The following LRP1B variants were observed in gnomAD, a reference collection of about 807,000 sequenced individuals.
LRP1B encodes low-density lipoprotein receptor-related protein 1B.
In LRP1B, 217 loss-of-function variants were observed where a neutral mutation model predicts 556.6. The observed-to-expected ratio is 0.39, with a 90% CI of 0.35 to 0.44. The LOEUF (loss-of-function observed/expected upper bound fraction) is 0.44. Ranked by LOEUF, LRP1B falls within the 20% of genes least tolerant of loss-of-function variation. The pLI, the probability that LRP1B is intolerant of heterozygous loss-of-function variation, is 1.00. For synonymous variants in LRP1B, 2,047 were observed against 1,865.8 expected (o/e 1.10, Z -2.50); for missense variants, 5,053 against 5,620.8 (o/e 0.90, Z 3.23).
intron 41 of LRP1B, among the ~76,000 whole-genome samples, chr2:140,638,029 A>T (rs1269670949): frequency 6.6e-6 from 1 of 152,248 alleles, no homozygotes; most frequent in African/African-American, 2.4e-5. Flanking sequence ...TTAGAGCATG[A>T]TATTATAGTT....
At chr2:140,483,074 A>C (rs1338443886) in intron 59 of LRP1B, among the ~76,000 whole-genome samples, 1 of 152,214 alleles carries the variant, frequency 6.6e-6, no homozygotes, top group Non-Finnish European at 1.5e-5. Context: ...CTAGGCAAAC[A>C]GCATGAACAA....
At chr2:140,260,542 T>C (rs1681886923) in intron 86 of LRP1B, among the ~76,000 whole-genome samples, 1 of 151,836 alleles carries the variant, frequency 6.6e-6, no homozygotes, top group African/African-American at 2.4e-5. Flanking sequence ...TATGCGTGCA[T>C]ATATACCTTT....
intron 43 of LRP1B, among the ~76,000 whole-genome samples, chr2:140,574,068 T>C (rs996996700): frequency 3.3e-5 from 5 of 152,108 alleles, no homozygotes; most frequent in African/African-American, 1.2e-4. Flanking sequence ...CTCTATATGT[T>C]ATATGCATTT....
Position 141,889,114 on chromosome 2 carries a change from G to T in LRP1B, c.83-78713C>A, listed in dbSNP as rs79885242. Among the ~76,000 whole-genome samples the T allele has an allele frequency of 3.3e-3, 495 of 152,134 alleles. 2 individuals are homozygous for T. The highest frequency in any genetic ancestry group is 0.012 in the African/African-American group (481 of 41,484). On this transcript the variant is annotated intron_variant, in intron 1 of 90. Coordinates refer to ENST00000389484, the MANE Select transcript of LRP1B (RefSeq NM_018557.3). ...TCCCTGTTAAAGCCTTCCAATTTAT[G>T]CCCGTGTTCACAGACACCAAAAGTC...
intron 23 of LRP1B, among the ~76,000 whole-genome samples, chr2:140,894,936 C>A (rs1276735606): frequency 2.8e-5 from 4 of 143,950 alleles, no homozygotes; most frequent in African/African-American, 2.6e-5. Context: ...GAATGAGACT[C>A]TGCCTCAAAA....
At chr2:140,988,153 GAT>G (rs1696982308) in intron 17 of LRP1B, among the ~76,000 whole-genome samples, 1 of 152,000 alleles carries the variant, frequency 6.6e-6, no homozygotes, top group South Asian at 2.1e-4. Context: ...AAAACTCTTG[GAT>G]CAAGTTTCCC....
chr2:140,824,310 CT>C (rs1337383710), intron 31 of LRP1B, among the ~76,000 whole-genome samples: 1 of 151,670 alleles, frequency 6.6e-6, no homozygotes, highest in Non-Finnish European at 1.5e-5. Context: ...TATATGAGGC[CT>C]TTTGGGATAG....
intron 43 of LRP1B, among the ~76,000 whole-genome samples, chr2:140,548,510 A>G (rs1265697929): frequency 1.3e-5 from 2 of 152,148 alleles, no homozygotes; most frequent in Admixed American, 1.3e-4. Context: ...TTAGGAATTA[A>G]TATACTCTAA....
chr2:141,573,635 C>G (rs1325558111), intron 2 of LRP1B, among the ~76,000 whole-genome samples: 1 of 115,430 alleles, frequency 8.7e-6, no homozygotes, highest in Non-Finnish European at 1.9e-5. Context: ...AAAAACCCTC[C>G]AAAAAAAAAA....
chr2:141,995,535 C>A (rs1037882634), intron 1 of LRP1B, among the ~76,000 whole-genome samples: 17 of 152,102 alleles, frequency 1.1e-4, no homozygotes, highest in African/African-American at 4.1e-4. Context: ...TATCTTAATT[C>A]CCTTTTACCT....
intron 6 of LRP1B, among the ~76,000 whole-genome samples, chr2:141,211,688 G>A (rs998996907): frequency 2.0e-5 from 3 of 152,104 alleles, no homozygotes; most frequent in African/African-American, 7.2e-5. Flanking sequence ...TCATAAATCA[G>A]AACAGGTTAC....
At chr2:141,943,870 G>C (rs556211105) in intron 1 of LRP1B, among the ~76,000 whole-genome samples, 1 of 152,226 alleles carries the variant, frequency 6.6e-6, no homozygotes, top group Admixed American at 6.5e-5. Flanking sequence ...ACACTTTGAA[G>C]GGTGAGGGGG....
chr2:141,594,839 T>C (rs980259916), intron 2 of LRP1B, among the ~76,000 whole-genome samples: 4 of 152,136 alleles, frequency 2.6e-5, no homozygotes, highest in African/African-American at 4.8e-5. Flanking sequence ...CTCTTAAATA[T>C]GAACAAAGAT....
At chr2:141,924,774 C>T (rs552373997) in intron 1 of LRP1B, among the ~76,000 whole-genome samples, 1 of 152,284 alleles carries the variant, frequency 6.6e-6, no homozygotes, top group Non-Finnish European at 1.5e-5. Context: ...GTGGGAATTC[C>T]ATGACACTTG....
intron 1 of LRP1B, among the ~76,000 whole-genome samples, chr2:141,823,555 G>C (rs1384508842): frequency 6.6e-6 from 1 of 152,182 alleles, no homozygotes; most frequent in Non-Finnish European, 1.5e-5. Flanking sequence ...TTGTCAAGCT[G>C]ATTAGGTGGA....
chr2:141,667,534 C>G (rs1307036760), intron 2 of LRP1B, among the ~76,000 whole-genome samples: 6 of 152,160 alleles, frequency 3.9e-5, no homozygotes, highest in African/African-American at 7.2e-5. Context: ...GAAGAAAGCA[C>G]TCCACTTTTT....
rs183868636 is a variant in LRP1B, at chr2:140,993,965, A to C, written c.2644+30T>G. 707 of 1,606,602 alleles carry C rather than the reference A, an allele frequency of 4.4e-4. 4 individuals are homozygous for C. The highest frequency in any genetic ancestry group is 3.7e-5 in the Non-Finnish European group (43 of 1,175,676). ...CACACTCAAAGACTCAGGAAAATAC[A>C]ATTTTTAGGTGACTTGGAAGAGAAC... is the stretch of plus-strand genomic sequence containing the variant. On this transcript the variant is annotated intron_variant, in intron 16 of 90. Coordinates refer to ENST00000389484, the MANE Select transcript of LRP1B (RefSeq NM_018557.3).
chr2:140,846,063 A>C (rs2105108831), intron 29 of LRP1B, among the ~76,000 whole-genome samples: 1 of 152,268 alleles, frequency 6.6e-6, no homozygotes, highest in African/African-American at 2.4e-5. Flanking sequence ...AATGAGGAAA[A>C]AGCAAAGATG....
Position 140,383,293 on chromosome 2 carries a change from C to CATGTGTGTGT in LRP1B, c.10531+2599_10531+2600insACACACACAT, listed in dbSNP as rs1553457406. 5.4e-4 allele frequency among the ~76,000 whole-genome samples: 78 copies of CATGTGTGTGT among 145,746 alleles called. 1 individual carries two copies. The highest frequency in any genetic ancestry group is 1.5e-3 in the South Asian group (7 of 4,606). On this transcript the variant is annotated intron_variant, in intron 67 of 90. Coordinates refer to ENST00000389484, the MANE Select transcript of LRP1B (RefSeq NM_018557.3). Reference sequence around the variant, plus strand: ...CCTAATGTATTAGGACAGTGATGTGCGTGTGTGTGTGTGTGTGTGTGTGTG... The same window carrying CATGTGTGTGT: ...CCTAATGTATTAGGACAGTGATGTGCATGTGTGTGTGTGTGTGTGTGTGTGTGTGTGTGTG...
Sources: allele counts gnomAD v4.1 joint callset (sites outside exome capture counted in the v4.1 genomes callset), GRCh38; gene constraint gnomAD v4.1.1; transcripts MANE v1.5; gene names NCBI Gene and HGNC (gene_info 2026-07-23, HGNC 2026-07-21).